The following ADAD1 variants were observed in gnomAD, a reference collection of about 807,000 sequenced individuals.
ADAD1 encodes adenosine deaminase domain-containing protein 1.
In ADAD1, 46 loss-of-function variants were observed where a neutral mutation model predicts 66.8. The observed-to-expected ratio is 0.69, with a 90% CI of 0.54 to 0.88. The LOEUF is 0.88. ADAD1 is among the 40% of genes least tolerant of loss of function. The probability of loss-of-function intolerance (pLI) is 0.00; values close to 1 mark genes in which losing one functional copy is unlikely to be tolerated. For synonymous variants in ADAD1, 248 were observed against 229.4 expected (o/e 1.08, Z -0.73); for missense variants, 617 against 681.8 (o/e 0.91, Z 1.06).
intron 5 of ADAD1, among the ~76,000 whole-genome samples, chr4:122,390,205 C>G (rs113125735): frequency 6.6e-6 from 1 of 152,128 alleles, no homozygotes; most frequent in Non-Finnish European, 1.5e-5. Flanking sequence ...TCCTGGCTAG[C>G]AGAGTTTCTG....
intron 11 of ADAD1, among the ~76,000 whole-genome samples, chr4:122,419,399 G>A (rs1416857191): frequency 6.6e-6 from 1 of 152,120 alleles, no homozygotes; most frequent in African/African-American, 2.4e-5. Flanking sequence ...GTGGGAGGAG[G>A]GAGACGATCA....
intron 7 of ADAD1, among the ~76,000 whole-genome samples, chr4:122,398,855 GTA>G: frequency 6.7e-6 from 1 of 149,972 alleles, no homozygotes. Flanking sequence ...TGAGTTCCTT[GTA>G]GACTCTGGTT....
At chr4:122,402,076 T>C (rs558891336) in intron 7 of ADAD1, among the ~76,000 whole-genome samples, 7 of 152,094 alleles carry the variant, frequency 4.6e-5, no homozygotes, top group African/African-American at 1.7e-4. Flanking sequence ...TTAATTGTGT[T>C]ATTGTTTTAT....
chr4:122,384,987 A>AAAAT (rs1795094281), intron 5 of ADAD1, among the ~76,000 whole-genome samples: 1 of 152,206 alleles, frequency 6.6e-6, no homozygotes, highest in Non-Finnish European at 1.5e-5. Context: ...AGAGCCTGAA[A>AAAAT]AAATAATAAG....
At position 122,429,633 on chromosome 4, in the gene ADAD1, C is replaced by G. The variant is rs773220825; in HGVS notation, c.1625C>G (p.Ser542Cys). ...TTTTTCTTTCTTCTCTAGTGTATGT[C>G]TGCCTCCTATCAAGAAGCTAAATGT... ...AGTYHAAKCM[S>C]ASYQEAKCKL... Residue 542 changes from serine (S) to cysteine (C), a missense_variant, in exon 13 of 13, where the codon TCT becomes TGT. Coordinates refer to ENST00000296513, the MANE Select transcript of ADAD1 (RefSeq NM_139243.4). 1 of 1,606,950 alleles carries G rather than the reference C, an allele frequency of 6.2e-7. No homozygotes were observed. Among genetic ancestry groups the G allele is most frequent in the Non-Finnish European group, 8.5e-7 (1 of 1,173,978 alleles).
At chr4:122,411,149 G>T in intron 8 of ADAD1, 73 bp from the exon 9 acceptor site, 1 of 1,218,026 alleles carries the variant, frequency 8.2e-7, no homozygotes, top group Non-Finnish European at 1.1e-6. Flanking sequence ...TCTGACACAT[G>T]TGGACATGAT....
intron 11 of ADAD1, among the ~76,000 whole-genome samples, chr4:122,417,085 A>C (rs1796771101): frequency 6.6e-6 from 1 of 152,216 alleles, no homozygotes; most frequent in African/African-American, 2.4e-5. Context: ...CTATAACCCC[A>C]AGACTTTGGG....
chr4:122,407,044 C>A (rs953606380), intron 7 of ADAD1, among the ~76,000 whole-genome samples: 1 of 151,868 alleles, frequency 6.6e-6, no homozygotes, highest in Non-Finnish European at 1.5e-5. Context: ...CTTGGTAACA[C>A]CTCAGCAATT....
At chr4:122,409,219 G>T (rs964240730) in intron 8 of ADAD1, among the ~76,000 whole-genome samples, 1 of 152,148 alleles carries the variant, frequency 6.6e-6, no homozygotes, top group African/African-American at 2.4e-5. Context: ...GGAATGAATA[G>T]CAAGTGGGAA....
In ADAD1 at chr4:122,421,355, G is replaced by C. The variant is rs765327186; in HGVS notation, c.1582G>C (p.Glu528Gln). ...FNLLAKEAKK[E>Q]LLEAGTYHAA... ...CCTGCTTGCCAAAGAAGCTAAAAAA[G>C]AATTACTTGAAGCTGGTACATATCA... Residue 528 changes from glutamate to glutamine, a missense_variant, in exon 12 of 13, where the codon GAA becomes CAA. Physicochemically the swap from Glu to Gln is conservative, Grantham distance 29. Coordinates refer to ENST00000296513, the MANE Select transcript of ADAD1 (RefSeq NM_139243.4). The C allele has an allele frequency of 4.4e-6, 7 of 1,601,746 alleles. No homozygotes were observed. The South Asian group carries it at 7.8e-5, about 18-fold the overall frequency.
At chr4:122,384,088 T>C in intron 5 of ADAD1, 122 bp downstream of exon 5, 1 of 955,896 alleles carries the variant, frequency 1.0e-6, no homozygotes, top group Non-Finnish European at 1.5e-6. Context: ...AGGATTTGAA[T>C]AATTTATTTC....
intron 5 of ADAD1, among the ~76,000 whole-genome samples, chr4:122,385,640 C>T (rs548052427): frequency 3.3e-5 from 5 of 152,244 alleles, no homozygotes; most frequent in African/African-American, 1.2e-4. Context: ...CATAGGTATA[C>T]ATGTGCCATG....
chr4:122,399,745 T>C (rs865913058), intron 7 of ADAD1, among the ~76,000 whole-genome samples: 7 of 150,790 alleles, frequency 4.6e-5, no homozygotes, highest in Admixed American at 6.6e-5. Flanking sequence ...CTTTTCTTTT[T>C]TTTTTTTTTT....
intron 5 of ADAD1, among the ~76,000 whole-genome samples, chr4:122,387,080 A>G (rs951929116): frequency 7.9e-5 from 12 of 152,202 alleles, no homozygotes; most frequent in South Asian, 2.1e-4. Flanking sequence ...AAGAATGTCA[A>G]TGGTAGTTGC....
At chr4:122,415,203 G>T (rs540972527) in intron 10 of ADAD1, among the ~76,000 whole-genome samples, 176 bp from the exon 11 acceptor site, 2 of 152,042 alleles carry the variant, frequency 1.3e-5, no homozygotes, top group Middle Eastern at 3.2e-3. Context: ...TTATTACCTT[G>T]TTCTGGTTCT....
intron 12 of ADAD1, among the ~76,000 whole-genome samples, chr4:122,422,979 A>G (rs1797073012): frequency 7.5e-6 from 1 of 134,150 alleles, no homozygotes; most frequent in African/African-American, 3.0e-5. Flanking sequence ...AAAAAAAAAA[A>G]GAAGAAGAAG....
intron 12 of ADAD1, among the ~76,000 whole-genome samples, chr4:122,427,523 C>CTTTTTT (rs59864757): frequency 1.1e-4 from 8 of 71,980 alleles, no homozygotes; most frequent in Admixed American, 4.8e-4. Flanking sequence ...ATCCAAAGGC[C>CTTTTTT]TTTTTTTTTT....
intron 7 of ADAD1, among the ~76,000 whole-genome samples, chr4:122,406,762 T>G (rs1796231461): frequency 6.6e-6 from 1 of 152,130 alleles, no homozygotes; most frequent in African/African-American, 2.4e-5. Context: ...CAGGGCAGTG[T>G]GCACGTGTTA....
intron 8 of ADAD1, among the ~76,000 whole-genome samples, chr4:122,410,798 A>T (rs1003180032): frequency 1.3e-5 from 2 of 152,170 alleles, no homozygotes; most frequent in African/African-American, 2.4e-5. Flanking sequence ...CAGGGACCAC[A>T]GTTTTTGTCA....
Sources: gnomAD v4.1 joint callset for allele counts (sites outside exome capture counted in the v4.1 genomes callset) on GRCh38, gnomAD v4.1.1 for gene constraint, MANE v1.5 for transcripts, NCBI Gene and HGNC (gene_info 2026-07-23, HGNC 2026-07-21) for gene names.